HEPHL1: variants seen among roughly 807,000 people sequenced by gnomAD.
HEPHL1 encodes hephaestin like 1, also known as ferroxidase HEPHL1.
HEPHL1 carries 123 observed loss-of-function variants against 122.0 expected under a neutral mutation model. That is an observed-to-expected ratio of 1.01 (90% CI 0.87 to 1.17). The LOEUF is 1.17. Among genes scored for constraint, HEPHL1 ranks in the 50% most tolerant of loss-of-function variants. The pLI, the probability that HEPHL1 is intolerant of heterozygous loss-of-function variation, is 0.00. For synonymous variants in HEPHL1, 527 were observed against 508.9 expected, an observed-to-expected ratio of 1.04 and a Z score of -0.48; for missense variants, 1,452 against 1,430.5, an observed-to-expected ratio of 1.01 and a Z score of -0.24.
At chr11:94,060,844 T>C (rs1945981300) in intron 2 of HEPHL1, among the ~76,000 whole-genome samples, 2 of 152,182 alleles carry the variant, frequency 1.3e-5, no homozygotes. Flanking sequence ...AATAGAATTA[T>C]ATTTAAGATT....
At position 94,035,251 on chromosome 11, in the gene HEPHL1, A is replaced by G. The variant is rs186372030; in HGVS notation, c.171-10422A>G. Among the ~76,000 whole-genome samples, 167 of 152,214 alleles carry G rather than the reference A, an allele frequency of 1.1e-3. 1 individual carries two copies. Among genetic ancestry groups the G allele is most frequent in the African/African-American group, 3.8e-3 (158 of 41,526 alleles). On this transcript the variant is annotated intron_variant, in intron 1 of 19. Coordinates refer to ENST00000315765, the MANE Select transcript of HEPHL1 (RefSeq NM_001098672.2). ...TCCCATAACACGTTCTTTTCCTACAATTCTTAGCAGTTTCCTTTGTGCAGG... is the reference window on the plus strand; with the variant it reads ...TCCCATAACACGTTCTTTTCCTACAGTTCTTAGCAGTTTCCTTTGTGCAGG...
chr11:94,099,641 C>G (rs1006376399), intron 13 of HEPHL1, among the ~76,000 whole-genome samples: 18 of 152,184 alleles, frequency 1.2e-4, no homozygotes, highest in Admixed American at 3.9e-4. Context: ...CAGGCCTCCT[C>G]GAGCTGCGGT....
chr11:94,064,632 C>T (rs530964247), intron 4 of HEPHL1, 122 bp downstream of exon 4: 145 of 674,386 alleles, frequency 2.2e-4, no homozygotes, highest in Admixed American at 3.8e-4. Context: ...TCAGGGATGA[C>T]CATGGTTAGA....
At chr11:94,043,591 T>C (rs1945806890) in intron 1 of HEPHL1, among the ~76,000 whole-genome samples, 1 of 152,158 alleles carries the variant, frequency 6.6e-6, no homozygotes. Context: ...GCACAGAGAA[T>C]GAGAGTGGGA....
intron 11 of HEPHL1, among the ~76,000 whole-genome samples, chr11:94,086,769 T>C (rs1232097633): frequency 1.3e-5 from 2 of 152,214 alleles, no homozygotes; most frequent in African/African-American, 2.4e-5. Context: ...GAACTTCTTC[T>C]CTTAGAGATT....
At chr11:94,044,870 C>G (rs762441152) in intron 1 of HEPHL1, among the ~76,000 whole-genome samples, 1 of 151,672 alleles carries the variant, frequency 6.6e-6, no homozygotes, top group Non-Finnish European at 1.5e-5. Flanking sequence ...TCAAGTGATC[C>G]TCCCACCTTA....
chr11:94,069,715 T>C (rs1326010064), intron 5 of HEPHL1, among the ~76,000 whole-genome samples: 3 of 152,186 alleles, frequency 2.0e-5, no homozygotes, highest in African/African-American at 4.8e-5. Context: ...TTAATGCTTA[T>C]GTTTCCCACC....
chr11:94,069,542 G>A (rs1946058425), intron 5 of HEPHL1, among the ~76,000 whole-genome samples: 2 of 152,006 alleles, frequency 1.3e-5, no homozygotes, highest in Admixed American at 1.3e-4. Flanking sequence ...TTTAAAAAAT[G>A]AAATCAGTCT....
chr11:94,067,450 C>A, intron 4 of HEPHL1, 46 bp from the exon 5 acceptor site: 1 of 1,591,066 alleles, frequency 6.3e-7, no homozygotes. Context: ...TGGTCCCAGT[C>A]GCCTCTGCAG....
intron 2 of HEPHL1, among the ~76,000 whole-genome samples, chr11:94,059,359 A>G (rs1433498172): frequency 2.6e-5 from 4 of 152,156 alleles, no homozygotes; most frequent in African/African-American, 9.6e-5. Context: ...TTTGTACAAT[A>G]CATTATTACA....
intron 8 of HEPHL1, among the ~76,000 whole-genome samples, chr11:94,073,821 GA>G (rs1430463903): frequency 1.3e-5 from 2 of 152,130 alleles, no homozygotes; most frequent in Non-Finnish European, 2.9e-5. Flanking sequence ...AGGCTGAAGG[GA>G]AAATTTGATT....
chr11:94,098,494 T>G (rs150331023), intron 13 of HEPHL1, among the ~76,000 whole-genome samples: 4,036 of 152,262 alleles, frequency 0.027, 187 homozygotes, highest in African/African-American at 0.092. Context: ...ATGTGTCTTG[T>G]AGTTGCTCTT....
chr11:94,023,907 G>A (rs925092238), intron 1 of HEPHL1, among the ~76,000 whole-genome samples: 1 of 152,164 alleles, frequency 6.6e-6, no homozygotes, highest in Admixed American at 6.5e-5. Context: ...TAAAAAGGTA[G>A]GGCTGTCGTA....
chr11:94,100,977 T>C (rs1252641617), intron 13 of HEPHL1, among the ~76,000 whole-genome samples: 3 of 152,176 alleles, frequency 2.0e-5, no homozygotes, highest in Non-Finnish European at 4.4e-5. Flanking sequence ...GCCCCTCTAA[T>C]AAATGAAGGA....
chr11:94,027,092 C>A (rs1945631877), intron 1 of HEPHL1, among the ~76,000 whole-genome samples: 1 of 152,168 alleles, frequency 6.6e-6, no homozygotes, highest in Non-Finnish European at 1.5e-5. Flanking sequence ...CTTCCAGGTT[C>A]TGGTATCTGC....
chr11:94,067,230 G>A (rs559857913), intron 4 of HEPHL1, among the ~76,000 whole-genome samples: 10 of 152,246 alleles, frequency 6.6e-5, no homozygotes, highest in African/African-American at 2.4e-4. Context: ...CTCATATTGC[G>A]TTCCCACAGC....
At chr11:94,082,376 C>T in intron 9 of HEPHL1, 42 bp from the exon 10 acceptor site, 1 of 1,491,114 alleles carries the variant, frequency 6.7e-7, no homozygotes, top group Admixed American at 1.9e-5. Flanking sequence ...TGAATTCCTC[C>T]AAGCTGTACC....
chr11:94,067,189 A>G (rs1301786809), intron 4 of HEPHL1, among the ~76,000 whole-genome samples: 3 of 152,200 alleles, frequency 2.0e-5, no homozygotes, highest in African/African-American at 7.2e-5. Context: ...AGCCTCCTGT[A>G]AATATGAGCA....
At position 94,111,592 on chromosome 11, in the gene HEPHL1, G is replaced by A. The variant is rs61905099; in HGVS notation, c.3264G>A (p.Thr1088=). The A allele has an allele frequency of 5.2e-4, 833 of 1,606,180 alleles. 1 individual carries two copies. The highest frequency in any genetic ancestry group is 6.4e-4 in the Non-Finnish European group (755 of 1,176,152). The stretch of plus-strand genomic sequence containing the variant: ...CTGGAGTGGCATCTCACCCAGCCAC[G>A]GTGCCATCTAACGGTAATGATACCC... The part of the protein sequence containing the change: ...TSPGVASHPA[T]VPSNERPGKE... Residue 1088 remains threonine, a synonymous_variant, in exon 19 of 20, where the codon ACG becomes ACA. Transcript: ENST00000315765.
Sources: gnomAD v4.1 joint callset for allele counts (sites outside exome capture counted in the v4.1 genomes callset) on GRCh38, gnomAD v4.1.1 for gene constraint, MANE v1.5 for transcripts, NCBI Gene and HGNC (gene_info 2026-07-23, HGNC 2026-07-21) for gene names.